The following CNTN3 variants were observed in gnomAD, a reference collection of about 807,000 sequenced individuals.
The protein encoded by CNTN3 is contactin 3.
CNTN3 carries 60 observed loss-of-function variants against 119.1 expected under a neutral mutation model. The observed-to-expected ratio is 0.50, with a 90% CI of 0.41 to 0.62. The LOEUF (loss-of-function observed/expected upper bound fraction) is 0.62, where lower values mean the gene tolerates loss of function less well. Among genes scored for constraint, CNTN3 ranks in the 20% least tolerant of loss-of-function variants. The pLI, the probability that CNTN3 is intolerant of heterozygous loss-of-function variation, is 0.00. For missense variants in CNTN3, 1,101 were observed against 1,242.4 expected (o/e 0.89, Z 1.71); for synonymous variants, 450 against 438.7 (o/e 1.03, Z -0.32).
intron 5 of CNTN3, among the ~76,000 whole-genome samples, chr3:74,412,169 T>C (rs1701448662): frequency 6.6e-6 from 1 of 152,162 alleles, no homozygotes; most frequent in Admixed American, 6.6e-5. Flanking sequence ...TTCACCTTCT[T>C]CCAGGTAAAA....
chr3:74,266,618 A>C lies in CNTN3; in HGVS notation c.2849T>G (p.Val950Gly). 6.2e-7 allele frequency: 1 copy of C among 1,613,398 alleles called. No individual in the cohort carries two copies. Among genetic ancestry groups the C allele is most frequent in the Non-Finnish European group, 8.5e-7 (1 of 1,179,496 alleles). ...AGTTTTATTTGTGTTCAGTACTTGT[A>C]CGTTATTTTGACTGCTAGTCCTATA... ...VFYRTSSQNN[V>G]QVLNTNKTSA... The change falls in exon 22 of 23, where the codon GTA becomes GGA. Residue 950 changes from valine to glycine, a missense_variant. Coordinates refer to ENST00000263665, the MANE Select transcript of CNTN3 (RefSeq NM_020872.3).
chr3:74,441,886 T>C (rs896539612), intron 4 of CNTN3, among the ~76,000 whole-genome samples: 2 of 152,304 alleles, frequency 1.3e-5, no homozygotes, highest in South Asian at 2.1e-4. Flanking sequence ...ACCATTCTCA[T>C]AGAAAATATT....
chr3:74,281,545 A>C (rs1017619124), intron 20 of CNTN3, among the ~76,000 whole-genome samples: 9 of 151,940 alleles, frequency 5.9e-5, no homozygotes, highest in Admixed American at 1.3e-4. Context: ...AGACAGTGTC[A>C]CTATGTTGCC....
chr3:74,595,318 T>C (rs1313148258), intron 1 of CNTN3, among the ~76,000 whole-genome samples: 2 of 151,658 alleles, frequency 1.3e-5, no homozygotes, highest in East Asian at 1.9e-4. Flanking sequence ...TTTGTCAATT[T>C]TGGCTTTTGT....
intron 5 of CNTN3, among the ~76,000 whole-genome samples, chr3:74,405,861 T>C (rs995312886): frequency 2.6e-5 from 4 of 152,100 alleles, no homozygotes; most frequent in South Asian, 2.1e-4. Context: ...TTAGTTTCAA[T>C]AGATTCGTGG....
intron 1 of CNTN3, among the ~76,000 whole-genome samples, chr3:74,590,067 C>G: frequency 6.6e-6 from 1 of 151,396 alleles, no homozygotes; most frequent in East Asian, 1.9e-4. Flanking sequence ...ATGTAACTAA[C>G]CTGCACATTG....
At chr3:74,522,055 A>T (rs1407536204) in intron 1 of CNTN3, among the ~76,000 whole-genome samples, 1 of 151,894 alleles carries the variant, frequency 6.6e-6, no homozygotes. Flanking sequence ...TCACTGACCC[A>T]AAGAGAGAAC....
chr3:74,335,468 C>T (rs1235605447), intron 12 of CNTN3, among the ~76,000 whole-genome samples: 3 of 152,102 alleles, frequency 2.0e-5, no homozygotes, highest in Admixed American at 6.6e-5. Context: ...GTCATCACCA[C>T]CTCCTTCCAT....
chr3:74,609,905 T>G (rs1024864072), intron 1 of CNTN3, among the ~76,000 whole-genome samples: 1 of 152,096 alleles, frequency 6.6e-6, no homozygotes. Context: ...ATACTAAGCA[T>G]ACCAAGGAAA....
intron 5 of CNTN3, among the ~76,000 whole-genome samples, chr3:74,419,351 G>A (rs1701581651): frequency 2.0e-5 from 3 of 151,806 alleles, no homozygotes; most frequent in Non-Finnish European, 2.9e-5. Flanking sequence ...TGTCAGCTAA[G>A]CTACCTGAGC....
intron 4 of CNTN3, among the ~76,000 whole-genome samples, chr3:74,475,968 CTG>C (rs892673484): frequency 5.9e-5 from 9 of 152,116 alleles, no homozygotes; most frequent in Non-Finnish European, 1.0e-4. Context: ...TATGTTTGCA[CTG>C]TGTTTGGTGA....
chr3:74,572,678 G>A (rs1704353519), intron 1 of CNTN3, among the ~76,000 whole-genome samples: 1 of 151,992 alleles, frequency 6.6e-6, no homozygotes, highest in South Asian at 2.1e-4. Context: ...TGTAACTTTT[G>A]GATTTTATTA....
chr3:74,316,560 C>T (rs1287477685), intron 13 of CNTN3, among the ~76,000 whole-genome samples: 1 of 152,106 alleles, frequency 6.6e-6, no homozygotes, highest in African/African-American at 2.4e-5. Context: ...GTATTATTCA[C>T]AATAGCAAAG....
At chr3:74,400,839 C>T (rs1705172124) in intron 5 of CNTN3, among the ~76,000 whole-genome samples, 1 of 152,066 alleles carries the variant, frequency 6.6e-6, no homozygotes, top group Admixed American at 6.5e-5. Flanking sequence ...TGTAAGACTC[C>T]AGCAATAACT....
At chr3:74,394,934 C>T (rs921788313) in intron 5 of CNTN3, among the ~76,000 whole-genome samples, 2 of 151,872 alleles carry the variant, frequency 1.3e-5, no homozygotes, top group Admixed American at 6.6e-5. Flanking sequence ...TTTTATTGTA[C>T]ATTAATATAT....
chr3:74,529,188 A>G (rs932047538), intron 1 of CNTN3, among the ~76,000 whole-genome samples: 5 of 151,972 alleles, frequency 3.3e-5, no homozygotes, highest in South Asian at 2.1e-4. Flanking sequence ...ACAGTCTCTC[A>G]AAAATTTTAA....
chr3:74,506,446 CAG>C (rs1703260198), intron 2 of CNTN3, among the ~76,000 whole-genome samples: 1 of 152,056 alleles, frequency 6.6e-6, no homozygotes, highest in South Asian at 2.1e-4. Context: ...GGCAGAAAAA[CAG>C]GGTGGGAGGA....
intron 4 of CNTN3, among the ~76,000 whole-genome samples, chr3:74,463,987 C>G (rs190851381): frequency 6.6e-6 from 1 of 152,154 alleles, no homozygotes; most frequent in Admixed American, 6.6e-5. Context: ...CCTCAGGAAC[C>G]CTTTGACAAT....
chr3:74,408,957 T>C (rs1701392044), intron 5 of CNTN3, among the ~76,000 whole-genome samples: 3 of 152,178 alleles, frequency 2.0e-5, no homozygotes, highest in Admixed American at 1.3e-4. Flanking sequence ...TTATTTTTTA[T>C]TTCAAGTGTA....
Sources: allele counts gnomAD v4.1 joint callset (sites outside exome capture counted in the v4.1 genomes callset), GRCh38; gene constraint gnomAD v4.1.1; transcripts MANE v1.5; gene names NCBI Gene and HGNC (gene_info 2026-07-23, HGNC 2026-07-21).